ADIPOR2: variants seen among roughly 807,000 people sequenced by gnomAD.
The protein encoded by ADIPOR2 is adiponectin receptor 2.
In ADIPOR2, 18 loss-of-function variants were observed where a neutral mutation model predicts 40.9. The ratio of observed to expected loss-of-function variants is 0.44; its 90% CI spans 0.30 to 0.65. The LOEUF (loss-of-function observed/expected upper bound fraction) is 0.65. ADIPOR2 is among the 30% of genes least tolerant of loss of function. ADIPOR2 has a pLI of 0.09. For synonymous variants in ADIPOR2, 165 were observed against 166.4 expected, an observed-to-expected ratio of 0.99 and a Z score of 0.06; for missense variants, 283 against 479.2, an observed-to-expected ratio of 0.59 and a Z score of 3.82.
At chr12:1,743,677 T>A (rs1290942020) in intron 1 of ADIPOR2, among the ~76,000 whole-genome samples, 5 of 151,766 alleles carry the variant, frequency 3.3e-5, no homozygotes, top group Admixed American at 6.6e-5. Context: ...AATATTAAAT[T>A]AAAAAAAACC....
At chr12:1,712,196 G>A (rs1305944314) in intron 1 of ADIPOR2, among the ~76,000 whole-genome samples, 7 of 152,114 alleles carry the variant, frequency 4.6e-5, no homozygotes, top group East Asian at 3.9e-4. Context: ...GGTGGCATAA[G>A]TCTGGACTAT....
intron 1 of ADIPOR2, among the ~76,000 whole-genome samples, chr12:1,732,037 TTA>T (rs2094721626): frequency 1.3e-5 from 2 of 152,210 alleles, no homozygotes; most frequent in South Asian, 4.1e-4. Context: ...TTGAGCATTT[TTA>T]TGTTATAGAA....
chr12:1,732,406 A>C (rs904758164), intron 1 of ADIPOR2, among the ~76,000 whole-genome samples: 6 of 152,324 alleles, frequency 3.9e-5, no homozygotes, highest in African/African-American at 1.4e-4. Flanking sequence ...GGAGTCATAT[A>C]ATATGTAATC....
chr12:1,710,156 G>A (rs986336311), intron 1 of ADIPOR2, among the ~76,000 whole-genome samples: 2 of 152,120 alleles, frequency 1.3e-5, no homozygotes. Context: ...GGACCAATCA[G>A]TGCTTTGTAA....
At chr12:1,774,219 G>A (rs746778500) in intron 3 of ADIPOR2, among the ~76,000 whole-genome samples, 1 of 152,154 alleles carries the variant, frequency 6.6e-6, no homozygotes, top group Non-Finnish European at 1.5e-5. Context: ...AGCGGGGTAC[G>A]GTAGCTGACT....
At chr12:1,702,322 G>T (rs1351193951) in intron 1 of ADIPOR2, among the ~76,000 whole-genome samples, 3 of 152,156 alleles carry the variant, frequency 2.0e-5, no homozygotes, top group African/African-American at 7.2e-5. Flanking sequence ...ACCCAGAAGT[G>T]CAATTATTGG....
At chr12:1,777,092 G>A (rs1356740776) in intron 3 of ADIPOR2, among the ~76,000 whole-genome samples, 3 of 152,176 alleles carry the variant, frequency 2.0e-5, no homozygotes, top group Non-Finnish European at 4.4e-5. Context: ...AAGATGGAGG[G>A]AGAGATTTTA....
intron 1 of ADIPOR2, among the ~76,000 whole-genome samples, chr12:1,728,456 C>T (rs78966828): frequency 0.27 from 41,185 of 151,506 alleles, 6,220 homozygotes; most frequent in Admixed American, 0.44. Context: ...GGCGCAGTGG[C>T]TCACGCCTGT....
intron 6 of ADIPOR2, among the ~76,000 whole-genome samples, chr12:1,783,625 C>T (rs1862770150): frequency 2.6e-5 from 4 of 152,162 alleles, no homozygotes. Flanking sequence ...TCCCAAAGTG[C>T]TGGGATTACA....
At chr12:1,783,644 C>T (rs1439734300) in intron 6 of ADIPOR2, among the ~76,000 whole-genome samples, 1 of 152,186 alleles carries the variant, frequency 6.6e-6, no homozygotes, top group African/African-American at 2.4e-5. Flanking sequence ...CAGGTGTGAG[C>T]CACTGCACCC....
intron 1 of ADIPOR2, among the ~76,000 whole-genome samples, chr12:1,735,408 G>T (rs990610841): frequency 6.6e-6 from 1 of 152,122 alleles, no homozygotes; most frequent in Non-Finnish European, 1.5e-5. Flanking sequence ...TCTGTTATTG[G>T]TTTATAAGAA....
intron 1 of ADIPOR2, among the ~76,000 whole-genome samples, chr12:1,719,726 G>A (rs1241121266): frequency 6.6e-6 from 1 of 151,236 alleles, no homozygotes; most frequent in Non-Finnish European, 1.5e-5. Context: ...CCAGGCTGGA[G>A]TGCAGTGGTG....
At chr12:1,717,899 C>T (rs1421504796) in intron 1 of ADIPOR2, among the ~76,000 whole-genome samples, 4 of 152,068 alleles carry the variant, frequency 2.6e-5, no homozygotes, top group South Asian at 2.1e-4. Flanking sequence ...ACAGAATAAA[C>T]ATATAATAAG....
chr12:1,753,542 T>C (rs927521794), intron 1 of ADIPOR2, among the ~76,000 whole-genome samples: 5 of 152,234 alleles, frequency 3.3e-5, no homozygotes, highest in African/African-American at 4.8e-5. Context: ...CCTTCCAGGG[T>C]AGTCTAGTTA....
intron 1 of ADIPOR2, among the ~76,000 whole-genome samples, chr12:1,735,723 G>T (rs544177023): frequency 1.7e-3 from 263 of 152,276 alleles, no homozygotes; most frequent in African/African-American, 5.6e-3. Flanking sequence ...TATGATATTG[G>T]CTGTGGGTTT....
chr12:1,742,251 C>A (rs549998567), intron 1 of ADIPOR2, among the ~76,000 whole-genome samples: 397 of 152,298 alleles, frequency 2.6e-3, no homozygotes, highest in Non-Finnish European at 4.6e-3. Flanking sequence ...CACCACCACG[C>A]CTGGCTTATT....
Position 1,755,203 on chromosome 12 carries a change from C to T in ADIPOR2, c.171+689C>T, listed in dbSNP as rs564501121. ...CAAGTGATTATCCTGCCTCAGCCTC[C>T]CGAGTAGCTGGGATTACAGGCACCT... is the stretch of plus-strand genomic sequence containing the variant. On this transcript the variant is annotated intron_variant, in intron 2 of 7. Transcript: ENST00000357103. 9.4e-4 allele frequency among the ~76,000 whole-genome samples: 143 copies of T among 151,888 alleles called. 1 individual carries two copies. Among genetic ancestry groups the T allele is most frequent in the African/African-American group, 3.4e-3 (141 of 41,410 alleles).
At chr12:1,709,494 C>A (rs1174417575) in intron 1 of ADIPOR2, among the ~76,000 whole-genome samples, 1 of 152,112 alleles carries the variant, frequency 6.6e-6, no homozygotes, top group African/African-American at 2.4e-5. Context: ...TCTCATCTAA[C>A]TTTCTGGAGA....
intron 2 of ADIPOR2, among the ~76,000 whole-genome samples, chr12:1,756,451 T>G (rs984134780): frequency 7.7e-6 from 1 of 130,112 alleles, no homozygotes; most frequent in Non-Finnish European, 1.7e-5. Flanking sequence ...TGCCTGGCCT[T>G]CTTTTTTTTT....
Sources: gnomAD v4.1 joint callset for allele counts (sites outside exome capture counted in the v4.1 genomes callset) on GRCh38, gnomAD v4.1.1 for gene constraint, MANE v1.5 for transcripts, NCBI Gene and HGNC (gene_info 2026-07-23, HGNC 2026-07-21) for gene names.